SGPL1: variants seen among roughly 807,000 people sequenced by gnomAD.
SGPL1 encodes sphingosine-1-phosphate lyase 1.
A neutral mutation model predicts 68.9 loss-of-function variants in SGPL1; 37 were observed. That is an observed-to-expected ratio of 0.54 (90% CI 0.41 to 0.71). The LOEUF (loss-of-function observed/expected upper bound fraction) is 0.71. Among genes scored for constraint, SGPL1 ranks in the 30% least tolerant of loss-of-function variants. The pLI is 0.00. For missense variants in SGPL1, 551 were observed against 704.6 expected (o/e 0.78, Z 2.47); for synonymous variants, 236 against 248.5 (o/e 0.95, Z 0.47).
chr10:70,851,106 A>C, intron 3 of SGPL1, 37 bp from the exon 4 acceptor site: 1 of 1,555,856 alleles, frequency 6.4e-7, no homozygotes, highest in Non-Finnish European at 8.9e-7. Flanking sequence ...TATCCATGGA[A>C]ATTTATTTGA....
chr10:70,874,939 T>TA (rs1230029125), intron 12 of SGPL1, among the ~76,000 whole-genome samples: 1 of 151,986 alleles, frequency 6.6e-6, no homozygotes, highest in Non-Finnish European at 1.5e-5. Context: ...AAAAATTAGA[T>TA]ATATATAAAA....
At chr10:70,828,994 A>C (rs1845487078) in intron 2 of SGPL1, among the ~76,000 whole-genome samples, 1 of 152,138 alleles carries the variant, frequency 6.6e-6, no homozygotes, top group South Asian at 2.1e-4. Context: ...GAGGGCAAAT[A>C]TGAGGATGCC....
chr10:70,828,135 G>A (rs1320590520), intron 2 of SGPL1, among the ~76,000 whole-genome samples: 1 of 152,070 alleles, frequency 6.6e-6, no homozygotes, highest in Non-Finnish European at 1.5e-5. Flanking sequence ...TTGCTGTGTG[G>A]TAACGTGTAC....
chr10:70,844,134 G>A (rs540676350), intron 2 of SGPL1, among the ~76,000 whole-genome samples: 2 of 152,292 alleles, frequency 1.3e-5, no homozygotes, highest in Middle Eastern at 3.4e-3. Context: ...GATATTGGGG[G>A]TATTAGTGTG....
Position 70,878,513 on chromosome 10 carries a change from A to C in SGPL1, c.*1178A>C, listed in dbSNP as rs1846440503. ...CCTGGGCTGGTGATGAGCAGAAATC[A>C]GACCTTTTTCTATGCTTTTTTGAAT... On this transcript the variant is annotated 3_prime_UTR_variant, in exon 15 of 15. Transcript: ENST00000373202. 6.6e-6 allele frequency: 1 copy of C among 152,264 alleles called. No individual in the cohort carries two copies. The highest frequency in any genetic ancestry group is 2.4e-5 in the African/African-American group (1 of 41,466). 9.4% of individuals were successfully genotyped at this position (152,264 alleles called of 1,614,324 possible). A position where few individuals can be genotyped will look rare whatever the true frequency, so the allele number is the denominator to read the frequency against.
chr10:70,858,147 AT>A (rs1340986997), intron 6 of SGPL1, among the ~76,000 whole-genome samples: 3 of 151,970 alleles, frequency 2.0e-5, no homozygotes, highest in Non-Finnish European at 4.4e-5. Flanking sequence ...TTATTTTATT[AT>A]TTTTACAGAC....
At chr10:70,874,099 G>T (rs1239666499) in intron 12 of SGPL1, among the ~76,000 whole-genome samples, 1 of 152,210 alleles carries the variant, frequency 6.6e-6, no homozygotes, top group African/African-American at 2.4e-5. Context: ...TTGGAAATGG[G>T]CCAGAAGGAA....
intron 2 of SGPL1, among the ~76,000 whole-genome samples, chr10:70,839,574 A>G (rs1199058114): frequency 6.6e-6 from 1 of 152,106 alleles, no homozygotes; most frequent in African/African-American, 2.4e-5. Flanking sequence ...TTGATGAAAT[A>G]ATTTACCTGG....
Position 70,879,854 on chromosome 10 carries a change from A to T in SGPL1, c.*2519A>T, listed in dbSNP as rs1488835937. 6.6e-6 allele frequency: 1 copy of T among 152,658 alleles called. No individual in the cohort carries two copies. The highest frequency in any genetic ancestry group is 1.9e-4 in the East Asian group (1 of 5,204). The allele number at this position is 152,658 out of a possible 1,614,324, so 9.5% of individuals were successfully genotyped here. A position where few individuals can be genotyped will look rare whatever the true frequency, so the allele number is the denominator to read the frequency against. ...GCAGAGGTGGGTAGAGACACTTAAT[A>T]GTATCATGTCGCATGCAGATGTCAC... On this transcript the variant is annotated 3_prime_UTR_variant, in exon 15 of 15. Transcript: ENST00000373202.
intron 4 of SGPL1, among the ~76,000 whole-genome samples, chr10:70,851,985 A>G (rs1422287915): frequency 6.6e-6 from 1 of 152,118 alleles, no homozygotes; most frequent in East Asian, 1.9e-4. Context: ...GCCCTCATCC[A>G]TGTTGAGGAT....
intron 3 of SGPL1, among the ~76,000 whole-genome samples, chr10:70,848,314 G>A (rs750371228): frequency 6.6e-6 from 1 of 152,002 alleles, no homozygotes; most frequent in Non-Finnish European, 1.5e-5. Context: ...TCTTACACTG[G>A]CATTTTCTAT....
intron 2 of SGPL1, among the ~76,000 whole-genome samples, chr10:70,836,042 C>T (rs376775799): frequency 9.2e-5 from 14 of 152,154 alleles, no homozygotes; most frequent in African/African-American, 3.4e-4. Flanking sequence ...ACCATACAAC[C>T]TTCACTCACT....
At chr10:70,834,194 C>T (rs1171000154) in intron 2 of SGPL1, among the ~76,000 whole-genome samples, 3 of 152,030 alleles carry the variant, frequency 2.0e-5, no homozygotes, top group African/African-American at 7.3e-5. Flanking sequence ...TCAGAATCAC[C>T]GGAGGGAGGT....
At chr10:70,871,169 T>A in intron 10 of SGPL1, 23 bp downstream of exon 10, 1 of 1,472,222 alleles carries the variant, frequency 6.8e-7, no homozygotes. Flanking sequence ...AATGGGCTGC[T>A]AAGGCAGGCA....
intron 7 of SGPL1, among the ~76,000 whole-genome samples, chr10:70,864,230 G>GC (rs1466197898): frequency 6.6e-5 from 10 of 152,156 alleles, no homozygotes; most frequent in African/African-American, 2.4e-4. Context: ...AATCTTCTCT[G>GC]CCCCACATTT....
At chr10:70,862,558 T>C (rs1412496821) in intron 7 of SGPL1, among the ~76,000 whole-genome samples, 1 of 152,112 alleles carries the variant, frequency 6.6e-6, no homozygotes, top group African/African-American at 2.4e-5. Context: ...CAATAAATCT[T>C]GCTACTGCTC....
intron 2 of SGPL1, among the ~76,000 whole-genome samples, chr10:70,817,433 A>T (rs1214046889): frequency 3.3e-5 from 5 of 152,142 alleles, no homozygotes; most frequent in African/African-American, 1.2e-4. Context: ...AATTATTATT[A>T]TTTTTTTTAA....
At chr10:70,816,715 G>GTC in intron 1 of SGPL1, 96 bp from the exon 2 acceptor site, 4 of 828,380 alleles carry the variant, frequency 4.8e-6, no homozygotes, top group Non-Finnish European at 8.6e-6. Flanking sequence ...TTCAAAGGAG[G>GTC]GAGAGAACCA....
intron 2 of SGPL1, among the ~76,000 whole-genome samples, chr10:70,821,544 C>T (rs1845338196): frequency 6.6e-6 from 1 of 151,994 alleles, no homozygotes; most frequent in South Asian, 2.1e-4. Context: ...GCAATTTTGC[C>T]CTCTGGGTGA....
Sources: gnomAD v4.1 joint callset for allele counts (sites outside exome capture counted in the v4.1 genomes callset) on GRCh38, gnomAD v4.1.1 for gene constraint, MANE v1.5 for transcripts, NCBI Gene and HGNC (gene_info 2026-07-23, HGNC 2026-07-21) for gene names.